The following VPS16 variants were observed in gnomAD, a reference collection of about 807,000 sequenced individuals.
The protein encoded by VPS16 is vacuolar protein sorting-associated protein 16 homolog.
VPS16 carries 82 observed loss-of-function variants against 116.0 expected under a neutral mutation model. The ratio of observed to expected loss-of-function variants is 0.71; its 90% CI spans 0.59 to 0.85. The LOEUF (loss-of-function observed/expected upper bound fraction) is 0.85. Among genes scored for constraint, VPS16 ranks in the 40% least tolerant of loss-of-function variants. The pLI, the probability that VPS16 is intolerant of heterozygous loss-of-function variation, is 0.00. For synonymous variants in VPS16, 406 were observed against 420.7 expected, an observed-to-expected ratio of 0.96 and a Z score of 0.43; for missense variants, 928 against 1,090.6, an observed-to-expected ratio of 0.85 and a Z score of 2.10.
At chr20:2,840,920 G>T in intron 1 of VPS16, 93 bp downstream of exon 1, 3 of 1,271,392 alleles carry the variant, frequency 2.4e-6, no homozygotes, top group African/African-American at 1.5e-5. Context: ...GTCACTACTG[G>T]CGCTGGGGTC....
At chr20:2,853,696 G>A (rs2089144168) in intron 1 of VPS16, among the ~76,000 whole-genome samples, 1 of 151,412 alleles carries the variant, frequency 6.6e-6, no homozygotes, top group African/African-American at 2.4e-5. Context: ...TTTTTGGGAC[G>A]AAGTCTCATT....
At position 2,854,264 on chromosome 20, in the gene VPS16, C is replaced by CACACACACACACACACACACAA. The variant is rs1359113049; in HGVS notation, c.54-5454_54-5453insCACACACACACACACACACAAA. ...ACACACACACACACACACACACACA[C>CACACACACACACACACACACAA]AAATTTTTTAGCCAAGTGCACTAGC... On this transcript the variant is annotated intron_variant, in intron 1 of 23. Transcript: ENST00000380445. Among the ~76,000 whole-genome samples, 135 of 150,126 alleles carry CACACACACACACACACACACAA rather than the reference C, an allele frequency of 9.0e-4. 2 individuals carry two copies. Among genetic ancestry groups the CACACACACACACACACACACAA allele is most frequent in the African/African-American group, 3.0e-3 (122 of 40,614 alleles).
At chr20:2,842,825 GACAT>G (rs372444222) in intron 1 of VPS16, among the ~76,000 whole-genome samples, 28 of 698 alleles carry the variant, frequency 0.04, no homozygotes, top group African/African-American at 0.064. Flanking sequence ...TCTATAGATA[GACAT>G]ATAGATGTAT....
chr20:2,853,659 A>T (rs1198445856), intron 1 of VPS16, among the ~76,000 whole-genome samples: 4 of 152,038 alleles, frequency 2.6e-5, no homozygotes, highest in Non-Finnish European at 5.9e-5. Flanking sequence ...ATGAATCATA[A>T]GAGTATTTTA....
At chr20:2,859,625 G>A (rs2146663962) in intron 1 of VPS16, 94 bp from the exon 2 acceptor site, 1 of 1,400,680 alleles carries the variant, frequency 7.1e-7, no homozygotes, top group African/African-American at 1.4e-5. Context: ...CAGCCTTGTG[G>A]AAGACAAATG....
Position 2,860,440 on chromosome 20 carries a change from T to C in VPS16, c.370-9T>C, listed in dbSNP as rs1165849808. On this transcript the variant is annotated splice_polypyrimidine_tract_variant and intron_variant, in intron 4 of 23. Coordinates refer to ENST00000380445, the MANE Select transcript of VPS16 (RefSeq NM_022575.4). The surrounding 1 kb of genome is among the most constrained non-coding windows in gnomAD (Gnocchi z 6.1). Reference sequence around the variant, plus strand: ...GTGGCTCCCTTAACCCATGGCCCCCTTTCCTCAGGAAGTGCTCCAGAACCG... The same window carrying C: ...GTGGCTCCCTTAACCCATGGCCCCCCTTCCTCAGGAAGTGCTCCAGAACCG... 1.2e-6 allele frequency: 2 copies of C among 1,614,076 alleles called. No individual in the cohort carries two copies. Among genetic ancestry groups the C allele is most frequent in the Admixed American group, 3.3e-5 (2 of 60,016 alleles).
chr20:2,843,019 A>G (rs1568621272), intron 1 of VPS16, among the ~76,000 whole-genome samples: 1 of 151,960 alleles, frequency 6.6e-6, no homozygotes, highest in Non-Finnish European at 1.5e-5. Flanking sequence ...ACATATTAAA[A>G]CTTTTAAATG....
chr20:2,842,767 TAG>T (rs1207525197), intron 1 of VPS16, among the ~76,000 whole-genome samples: 51 of 63,354 alleles, frequency 8.1e-4, no homozygotes, highest in Non-Finnish European at 1.1e-3. Flanking sequence ...TATCTATAGA[TAG>T]ACATATAGAT....
intron 1 of VPS16, among the ~76,000 whole-genome samples, chr20:2,853,643 C>T (rs984261523): frequency 1.3e-5 from 2 of 151,096 alleles, no homozygotes; most frequent in African/African-American, 2.5e-5. Context: ...ATTTTGACCT[C>T]CTCTCATGAA....
chr20:2,850,246 C>T lies in VPS16; in HGVS notation c.53+9419C>T, dbSNP rs1369447377. Among the ~76,000 whole-genome samples the T allele has an allele frequency of 3.9e-5, 6 of 152,188 alleles. No homozygotes were observed. In the East Asian group the frequency reaches 1.2e-3, roughly 29 times the overall value. ...GGATGAGGCAGGAGAACTCCTTGAA[C>T]CTTGGAGGCAGAGGTTGCAGTGAGC... On this transcript the variant is annotated intron_variant, in intron 1 of 23. Transcript: ENST00000380445.
At chr20:2,845,601 C>G (rs1297750623) in intron 1 of VPS16, among the ~76,000 whole-genome samples, 1 of 150,214 alleles carries the variant, frequency 6.7e-6, no homozygotes, top group Non-Finnish European at 1.5e-5. Context: ...AAAAAAAGAA[C>G]ATTTTAAAAA....
intron 1 of VPS16, 49 bp from the exon 2 acceptor site, chr20:2,859,670 A>G: frequency 1.3e-6 from 2 of 1,594,944 alleles, no homozygotes; most frequent in South Asian, 1.1e-5. Flanking sequence ...TTCACTCCAT[A>G]CGGATGCAGG....
rs552468765 is a variant in VPS16, at chr20:2,863,753, C to T, written c.1477-196C>T. On this transcript the variant is annotated intron_variant, in intron 15 of 23. Transcript: ENST00000380445. The surrounding 1 kb of genome is among the most constrained non-coding windows in gnomAD (Gnocchi z 4.4). The stretch of plus-strand genomic sequence containing the variant: ...CTCCAGCCTGGGCGACAGAGCAAGA[C>T]TCTGTCTCAAAAAAAAAGAAAGAAG... 6.6e-6 allele frequency among the ~76,000 whole-genome samples: 1 copy of T among 150,736 alleles called. No individual in the cohort carries two copies. Among genetic ancestry groups the T allele is most frequent in the Admixed American group, 6.6e-5 (1 of 15,134 alleles).
At chr20:2,847,107 C>G (rs1265108135) in intron 1 of VPS16, among the ~76,000 whole-genome samples, 1 of 152,202 alleles carries the variant, frequency 6.6e-6, no homozygotes, top group Non-Finnish European at 1.5e-5. Context: ...ACCTCACTGT[C>G]CTCTAGAAGC....
At position 2,863,400 on chromosome 20, in the gene VPS16, C is replaced by A. The variant is rs1224418047; in HGVS notation, c.1476+2C>A. On this transcript the variant is annotated splice_donor_variant, in intron 15 of 23. Transcript: ENST00000380445. LOFTEE classifies it high-confidence loss of function. This position sits in a 1 kb window ranked among gnomAD's most constrained non-coding sequence, Gnocchi z 4.4. ...CTGGCCCACTGGGCCTGCTACAAGG[C>A]AAGGATGTGGGATGGGGTCCAAGGG... is the stretch of plus-strand genomic sequence containing the variant. 6.2e-7 allele frequency: 1 copy of A among 1,613,896 alleles called. No individual in the cohort carries two copies. The highest frequency in any genetic ancestry group is 1.7e-5 in the Admixed American group (1 of 60,012).
At position 2,864,985 on chromosome 20, in the gene VPS16, A is replaced by G; in HGVS notation, c.1934A>G (p.Glu645Gly). 2 of 1,614,090 alleles carry G rather than the reference A, an allele frequency of 1.2e-6. No homozygotes were observed. The highest frequency in any genetic ancestry group is 1.7e-6 in the Non-Finnish European group (2 of 1,180,018). The change falls in exon 20 of 24, where the codon GAG becomes GGG. Residue 645 changes from glutamate (E) to glycine (G), a missense_variant. Glu to Gly is a moderately conservative substitution (Grantham distance 98). Transcript: ENST00000380445. This position sits in a 1 kb window ranked among gnomAD's most constrained non-coding sequence, Gnocchi z 5.2. Reference sequence around the variant, plus strand: ...TCCTTCTTGTCTTTATAGCGTATTGAGGGGCGAGTAGCAGCTCTGCAGACA... The same window carrying G: ...TCCTTCTTGTCTTTATAGCGTATTGGGGGGCGAGTAGCAGCTCTGCAGACA... The part of the protein sequence containing the change: ...RASYAAEERI[E>G]GRVAALQTAA...
chr20:2,840,899 C>A, intron 1 of VPS16, 72 bp downstream of exon 1: 1 of 1,417,546 alleles, frequency 7.1e-7, no homozygotes, highest in Non-Finnish European at 9.5e-7. Flanking sequence ...CTCCCGGCGG[C>A]GTTCGCCCCT....
intron 1 of VPS16, among the ~76,000 whole-genome samples, chr20:2,851,444 A>C: frequency 6.6e-6 from 1 of 151,860 alleles, no homozygotes; most frequent in Non-Finnish European, 1.5e-5. Flanking sequence ...CCCCGTCTCT[A>C]CTAACGATAC....
chr20:2,851,882 G>A (rs965028820), intron 1 of VPS16, among the ~76,000 whole-genome samples: 7 of 152,084 alleles, frequency 4.6e-5, no homozygotes, highest in African/African-American at 1.2e-4. Context: ...GAGGTAGGAG[G>A]ATGGCGTGAA....
Sources: allele counts gnomAD v4.1 joint callset (sites outside exome capture counted in the v4.1 genomes callset), GRCh38; gene constraint gnomAD v4.1.1; non-coding constraint Gnocchi (gnomAD v3.1); transcripts MANE v1.5; gene names NCBI Gene and HGNC (gene_info 2026-07-23, HGNC 2026-07-21).